Variants in AQR observed in about 807,000 individuals in gnomAD.
AQR encodes the protein aquarius intron-binding spliceosomal factor.
In AQR, 61 loss-of-function variants were observed where a neutral mutation model predicts 180.5. The ratio of observed to expected loss-of-function variants is 0.34; its 90% CI spans 0.28 to 0.42. AQR has a LOEUF of 0.42. AQR is among the 10% of genes least tolerant of loss of function. The pLI is 1.00. For synonymous variants in AQR, 551 were observed against 588.8 expected, an observed-to-expected ratio of 0.94 and a Z score of 0.93; for missense variants, 1,281 against 1,798.3, an observed-to-expected ratio of 0.71 and a Z score of 5.20.
Position 34,884,747 on chromosome 15 carries a change from G to A in AQR, c.2818-13C>T. 1.3e-6 allele frequency: 2 copies of A among 1,577,662 alleles called. No individual in the cohort carries two copies. The highest frequency in any genetic ancestry group is 2.3e-5 in the East Asian group (1 of 43,362). On this transcript the variant is annotated splice_polypyrimidine_tract_variant and intron_variant, in intron 25 of 34. Coordinates refer to ENST00000156471, the MANE Select transcript of AQR (RefSeq NM_014691.3). The stretch of plus-strand genomic sequence containing the variant: ...AGCGAGACATTACCTGTAGAAAAAA[G>A]GACTTGAAGTTAACTGCCAGCTAAT...
At chr15:34,964,701 G>A (rs1328269007) in intron 1 of AQR, among the ~76,000 whole-genome samples, 1 of 117,002 alleles carries the variant, frequency 8.5e-6, no homozygotes, top group Non-Finnish European at 2.0e-5. Context: ...AAATCTTCAT[G>A]AATGCTTTCC....
Position 34,867,479 on chromosome 15 carries a change from G to C in AQR, c.3854+45C>G, listed in dbSNP as rs190759401. 1,927 of 1,486,420 alleles carry C rather than the reference G, an allele frequency of 1.3e-3. 7 individuals are homozygous for C. The Middle Eastern group carries it at 0.018, about 14-fold the overall frequency. 92.1% of individuals were successfully genotyped at this position (1,486,420 alleles called of 1,614,324 possible). ...GCCACAGAATTTCAAAATTGAAGTA[G>C]ATAGTAAAGTTCAATAAATATTATG... On this transcript the variant is annotated intron_variant, in intron 32 of 34. Transcript: ENST00000156471.
intron 5 of AQR, among the ~76,000 whole-genome samples, chr15:34,946,770 C>T (rs1458689598): frequency 1.3e-5 from 2 of 149,514 alleles, no homozygotes; most frequent in Non-Finnish European, 3.0e-5. Context: ...GGGGGGTCAG[C>T]CCCCCGCCCG....
intron 1 of AQR, among the ~76,000 whole-genome samples, chr15:34,968,255 AT>A (rs11315761): frequency 0.72 from 103,715 of 143,636 alleles, 38,421 homozygotes; most frequent in Middle Eastern, 0.86. Flanking sequence ...GAAGGAAGAG[AT>A]TTTTTTTTTT....
intron 24 of AQR, 37 bp from the exon 25 acceptor site, chr15:34,886,698 A>G (rs1370556924): frequency 6.4e-7 from 1 of 1,572,956 alleles, no homozygotes; most frequent in African/African-American, 1.4e-5. Flanking sequence ...CAAAACTGTA[A>G]TAAAGAGACT....
intron 20 of AQR, among the ~76,000 whole-genome samples, chr15:34,898,209 T>C (rs1893277590): frequency 6.6e-6 from 1 of 152,156 alleles, no homozygotes; most frequent in Non-Finnish European, 1.5e-5. Flanking sequence ...AACCTTATAA[T>C]GACATGTCTA....
intron 13 of AQR, among the ~76,000 whole-genome samples, chr15:34,925,568 C>T (rs768370643): frequency 2.6e-5 from 4 of 152,310 alleles, no homozygotes; most frequent in Non-Finnish European, 5.9e-5. Flanking sequence ...AGGCCAGGAG[C>T]GGTGGCTCAT....
rs989126063 is a variant in AQR, at chr15:34,943,281, A to G, written c.471+1007T>C. 3.8e-6 allele frequency: 6 copies of G among 1,586,088 alleles called. No individual in the cohort carries two copies. The African/African-American group carries it at 8.1e-5, about 21-fold the overall frequency. ...GGCTAAAACTACAAAGATTGTGCTA[A>G]GGCTTGAGTGCATTGAGCCCAACTG... On this transcript the variant is annotated intron_variant, in intron 6 of 34. Transcript: ENST00000156471.
At chr15:34,946,526 AGGTGAGGG>A (rs1349403639) in intron 5 of AQR, among the ~76,000 whole-genome samples, 2 of 86,170 alleles carry the variant, frequency 2.3e-5, no homozygotes, top group Non-Finnish European at 4.6e-5. Context: ...TCCGGGAGGG[AGGTGAGGG>A]GGTCAGCCCC....
At chr15:34,949,828 T>TA (rs1894192460) in intron 4 of AQR, among the ~76,000 whole-genome samples, 2 of 146,650 alleles carry the variant, frequency 1.4e-5, no homozygotes, top group Non-Finnish European at 3.0e-5. Flanking sequence ...TAGCCAGGTG[T>TA]AATGGTGCAC....
intron 7 of AQR, among the ~76,000 whole-genome samples, chr15:34,941,745 C>G (rs1310839385): frequency 6.6e-6 from 1 of 152,160 alleles, no homozygotes; most frequent in Non-Finnish European, 1.5e-5. Flanking sequence ...TTAGTCTCAT[C>G]TATACTTTGC....
At chr15:34,924,417 T>C (rs751927190) in intron 13 of AQR, among the ~76,000 whole-genome samples, 3 of 152,040 alleles carry the variant, frequency 2.0e-5, no homozygotes, top group Non-Finnish European at 2.9e-5. Context: ...TAACATATAA[T>C]AGATTTCAAT....
chr15:34,857,674 C>T (rs767019374), intron 34 of AQR, among the ~76,000 whole-genome samples: 16 of 152,088 alleles, frequency 1.1e-4, no homozygotes. Flanking sequence ...TCACTTGACC[C>T]TGTGAGTTGG....
At chr15:34,953,342 C>A (rs12708534) in intron 3 of AQR, among the ~76,000 whole-genome samples, 117,122 of 152,138 alleles carry the variant, frequency 0.77, 45,667 homozygotes, top group Middle Eastern at 0.87. Flanking sequence ...ATGTTTGTCC[C>A]AAACATACTT....
At chr15:34,876,212 G>GT (rs1194163980) in intron 27 of AQR, among the ~76,000 whole-genome samples, 1 of 152,114 alleles carries the variant, frequency 6.6e-6, no homozygotes, top group Non-Finnish European at 1.5e-5. Flanking sequence ...TCCAATTCAA[G>GT]TATTTGACTT....
At chr15:34,874,323 CT>C (rs1892862487) in intron 29 of AQR, 1 of 323,274 alleles carries the variant, frequency 3.1e-6, no homozygotes, top group Admixed American at 4.7e-5. Context: ...GGCCTGCATC[CT>C]TTATGAAGTA....
In AQR at chr15:34,900,602, G is replaced by A. The variant is rs141449368; in HGVS notation, c.2243+20C>T. The A allele has an allele frequency of 5.6e-5, 90 of 1,608,878 alleles. No individual in the cohort carries two copies. Among genetic ancestry groups the A allele is most frequent in the African/African-American group, 5.3e-4 (40 of 74,886 alleles). ...TGACTACAGAATGCTGGAGAGGAGC[G>A]TACCCAGTTCTGACTTTACCTGAAA... On this transcript the variant is annotated intron_variant, in intron 20 of 34. Transcript: ENST00000156471.
intron 7 of AQR, 131 bp downstream of exon 7, chr15:34,941,881 A>T: frequency 2.0e-6 from 1 of 505,926 alleles, no homozygotes; most frequent in Non-Finnish European, 3.2e-6. Flanking sequence ...ATGAAAAGTT[A>T]AGCAAAGTGG....
chr15:34,906,298 G>C lies in AQR; in HGVS notation c.1831+247C>G, dbSNP rs555523766. On this transcript the variant is annotated intron_variant, in intron 18 of 34. Coordinates refer to ENST00000156471, the MANE Select transcript of AQR (RefSeq NM_014691.3). ...AGGCTGGAGAATCGCATGAACCCAG[G>C]AGGCAGAGGTTGCAGTGAGCCGAGA... 4.6e-5 allele frequency among the ~76,000 whole-genome samples: 7 copies of C among 152,214 alleles called. No individual in the cohort carries two copies. The South Asian group carries it at 1.5e-3, about 32-fold the overall frequency.
Sources: gnomAD v4.1 joint callset for allele counts (sites outside exome capture counted in the v4.1 genomes callset) on GRCh38, gnomAD v4.1.1 for gene constraint, MANE v1.5 for transcripts, NCBI Gene and HGNC (gene_info 2026-07-23, HGNC 2026-07-21) for gene names.